Variants in GPD1L observed in about 807,000 individuals in gnomAD.
GPD1L encodes glycerol-3-phosphate dehydrogenase 1 like.
A neutral mutation model predicts 32.9 loss-of-function variants in GPD1L; 17 were observed. The observed-to-expected ratio is 0.52, with a 90% CI of 0.35 to 0.78. GPD1L has a LOEUF of 0.78. Ranked by LOEUF, GPD1L falls within the 30% of genes least tolerant of loss-of-function variation. GPD1L has a pLI of 0.01. For synonymous variants in GPD1L, 187 were observed against 165.9 expected, an observed-to-expected ratio of 1.13 and a Z score of -0.98; for missense variants, 361 against 447.8, an observed-to-expected ratio of 0.81 and a Z score of 1.75.
chr3:32,138,334 G>A (rs754482260), intron 2 of GPD1L, among the ~76,000 whole-genome samples: 1 of 152,216 alleles, frequency 6.6e-6, no homozygotes, highest in Non-Finnish European at 1.5e-5. Flanking sequence ...TATTAGAGGT[G>A]CCTTTTGCAG....
In GPD1L at chr3:32,106,637, CG is replaced by C; in HGVS notation, c.-72del. 1 of 1,356,048 alleles carries C rather than the reference CG, an allele frequency of 7.4e-7. No homozygotes were observed. Among genetic ancestry groups the C allele is most frequent in the South Asian group, 1.8e-5 (1 of 55,652 alleles). The allele number at this position is 1,356,048 out of a possible 1,614,324, so 84.0% of individuals were successfully genotyped here. A position where few individuals can be genotyped will look rare whatever the true frequency, so the allele number is the denominator to read the frequency against. ...GGGGCGGGGCCGCCGCCAGCCGCTGCGGGCAAGGCTGAACAGGCGGAGGTGG... is the reference window on the plus strand; with the variant it reads ...GGGGCGGGGCCGCCGCCAGCCGCTGCGGCAAGGCTGAACAGGCGGAGGTGG... On this transcript the variant is annotated 5_prime_UTR_variant, in exon 1 of 8. Transcript: ENST00000282541. The surrounding 1 kb of genome is among the most constrained non-coding windows in gnomAD (Gnocchi z 4.0).
chr3:32,121,848 G>A (rs530863735), intron 1 of GPD1L, among the ~76,000 whole-genome samples: 2 of 149,790 alleles, frequency 1.3e-5, no homozygotes, highest in East Asian at 3.9e-4. Flanking sequence ...TCAGCTCACC[G>A]CAACCTCTGC....
chr3:32,160,865 CA>C (rs528857096), intron 7 of GPD1L, among the ~76,000 whole-genome samples: 3 of 151,948 alleles, frequency 2.0e-5, no homozygotes, highest in African/African-American at 7.3e-5. Context: ...TGTGGAGGAC[CA>C]TAATCATGAT....
intron 1 of GPD1L, among the ~76,000 whole-genome samples, chr3:32,112,569 A>G (rs2125467950): frequency 6.6e-6 from 1 of 152,294 alleles, no homozygotes; most frequent in Non-Finnish European, 1.5e-5. Context: ...CCCAGGAGGC[A>G]AAGGTTGCAG....
intron 4 of GPD1L, among the ~76,000 whole-genome samples, chr3:32,141,776 A>C (rs1425602636): frequency 6.6e-6 from 1 of 152,120 alleles, no homozygotes; most frequent in Admixed American, 6.5e-5. Context: ...CACTGTTAGC[A>C]GTTTCTTTTT....
chr3:32,115,031 C>T (rs1197583805), intron 1 of GPD1L, among the ~76,000 whole-genome samples: 2 of 152,196 alleles, frequency 1.3e-5, no homozygotes, highest in Non-Finnish European at 2.9e-5. Context: ...AACAAAGCAT[C>T]CACGGAGTAG....
chr3:32,142,405 C>T (rs1312884607), intron 4 of GPD1L, among the ~76,000 whole-genome samples: 1 of 152,172 alleles, frequency 6.6e-6, no homozygotes, highest in Non-Finnish European at 1.5e-5. Context: ...ATGTGAGCCA[C>T]CGCGCCCGGC....
chr3:32,146,848 T>A, intron 5 of GPD1L, 114 bp downstream of exon 5: 1 of 766,426 alleles, frequency 1.3e-6, no homozygotes, highest in South Asian at 1.4e-5. Flanking sequence ...CGAAGAATAG[T>A]GAATTGAGAG....
intron 1 of GPD1L, among the ~76,000 whole-genome samples, chr3:32,114,148 C>T (rs1222661285): frequency 6.6e-6 from 1 of 152,224 alleles, no homozygotes; most frequent in Non-Finnish European, 1.5e-5. Flanking sequence ...GGCCACCACA[C>T]CCAGCCTGGC....
intron 4 of GPD1L, among the ~76,000 whole-genome samples, chr3:32,143,043 G>T (rs1233817676): frequency 6.6e-6 from 1 of 152,006 alleles, no homozygotes; most frequent in Admixed American, 6.6e-5. Flanking sequence ...AATTAGCCTG[G>T]TATGGTAGTA....
intron 1 of GPD1L, among the ~76,000 whole-genome samples, chr3:32,127,807 C>A (rs1268471455): frequency 6.6e-6 from 1 of 152,164 alleles, no homozygotes; most frequent in Non-Finnish European, 1.5e-5. Flanking sequence ...GTGACGTTGT[C>A]TTCCAAGATA....
At chr3:32,141,972 T>G (rs1031433185) in intron 4 of GPD1L, among the ~76,000 whole-genome samples, 4 of 152,146 alleles carry the variant, frequency 2.6e-5, no homozygotes, top group African/African-American at 9.7e-5. Flanking sequence ...TAGTCCCCAG[T>G]ATCTGTTGTT....
rs184794443 is a variant in GPD1L, at chr3:32,137,452, A to G, written c.226-1135A>G. ...ATTTCCGCCATGCCTTCACATTCCC[A>G]CTGGCAAAAGGAAGGAGAAGGACCT... On this transcript the variant is annotated intron_variant, in intron 2 of 7. Transcript: ENST00000282541. 5.9e-5 allele frequency among the ~76,000 whole-genome samples: 9 copies of G among 152,228 alleles called. No individual in the cohort carries two copies. The East Asian group carries it at 1.4e-3, about 23-fold the overall frequency.
At chr3:32,143,025 A>T (rs2122852) in intron 4 of GPD1L, among the ~76,000 whole-genome samples, 73,504 of 150,492 alleles carry the variant, frequency 0.49, 19,492 homozygotes, top group African/African-American at 0.71. Context: ...GAAAAAAAAA[A>T]ATTTTTTAAT....
At chr3:32,156,112 C>T (rs1214769390) in intron 5 of GPD1L, among the ~76,000 whole-genome samples, 1 of 151,828 alleles carries the variant, frequency 6.6e-6, no homozygotes, top group Non-Finnish European at 1.5e-5. Flanking sequence ...AGATCGCACC[C>T]GACCCCCCAG....
At chr3:32,121,132 G>A (rs1297109341) in intron 1 of GPD1L, among the ~76,000 whole-genome samples, 2 of 151,786 alleles carry the variant, frequency 1.3e-5, no homozygotes, top group African/African-American at 4.8e-5. Flanking sequence ...CTTGCCTCTT[G>A]CCCCTGCCAC....
chr3:32,159,525 C>A, intron 6 of GPD1L, 43 bp from the exon 7 acceptor site: 1 of 1,089,930 alleles, frequency 9.2e-7, no homozygotes, highest in Non-Finnish European at 1.4e-6. Flanking sequence ...ATTCTTTAGT[C>A]TTTACCATAG....
Position 32,159,068 on chromosome 3 carries a change from C to T in GPD1L, c.811C>T (p.Arg271Trp), listed in dbSNP as rs772985306. ...ADLITTCYGG[R>W]NRRVAEAFAR... ...CCTGATCACCACCTGTTACGGAGGG[C>T]GGAACCGCAGGGTGGCCGAGGCCTT... The change falls in exon 6 of 8, where the codon CGG becomes TGG. Residue 271 changes from arginine (R) to tryptophan (W), a missense_variant. By Grantham distance (101) the Arg-to-Trp change is moderately radical. Transcript: ENST00000282541. 10 of 1,613,748 alleles carry T rather than the reference C, an allele frequency of 6.2e-6. No individual in the cohort carries two copies. Among genetic ancestry groups the T allele is most frequent in the East Asian group, 4.5e-5 (2 of 44,882 alleles).
intron 1 of GPD1L, among the ~76,000 whole-genome samples, chr3:32,117,335 T>A (rs963547356): frequency 1.3e-5 from 2 of 152,264 alleles, no homozygotes; most frequent in African/African-American, 4.8e-5. Flanking sequence ...ATTTCTTATT[T>A]CATTTTTCAC....
Sources: allele counts gnomAD v4.1 joint callset (sites outside exome capture counted in the v4.1 genomes callset), GRCh38; gene constraint gnomAD v4.1.1; non-coding constraint Gnocchi (gnomAD v3.1); transcripts MANE v1.5; gene names NCBI Gene and HGNC (gene_info 2026-07-23, HGNC 2026-07-21).